The following PCDH9 variants were observed in gnomAD, a reference collection of about 807,000 sequenced individuals.
PCDH9 encodes protocadherin 9, also known as protocadherin-9.
PCDH9 carries 24 observed loss-of-function variants against 70.6 expected under a neutral mutation model. That is an observed-to-expected ratio of 0.34 (90% CI 0.25 to 0.48). PCDH9 has a LOEUF of 0.48. Among genes scored for constraint, PCDH9 ranks in the 20% least tolerant of loss-of-function variants. The pLI is 0.99. For synonymous variants in PCDH9, 562 were observed against 558.5 expected (o/e 1.01, Z -0.09); for missense variants, 1,281 against 1,503.6 (o/e 0.85, Z 2.45).
chr13:66,738,217 C>T (rs930183346), intron 3 of PCDH9, among the ~76,000 whole-genome samples: 1 of 151,558 alleles, frequency 6.6e-6, no homozygotes, highest in African/African-American at 2.4e-5. Context: ...GGGAGGCACC[C>T]CCCAGCAGGG....
intron 3 of PCDH9, among the ~76,000 whole-genome samples, chr13:66,673,394 A>G (rs972578243): frequency 1.3e-5 from 2 of 151,230 alleles, no homozygotes; most frequent in Admixed American, 6.6e-5. Flanking sequence ...AGTTCATTAA[A>G]CCTCTTTTTC....
At chr13:67,102,531 A>T (rs1432964293) in intron 2 of PCDH9, among the ~76,000 whole-genome samples, 2 of 152,176 alleles carry the variant, frequency 1.3e-5, no homozygotes, top group African/African-American at 4.8e-5. Context: ...ACACTTTCAA[A>T]TAGAAAAAAA....
chr13:66,655,362 G>T (rs182346135), intron 3 of PCDH9, among the ~76,000 whole-genome samples: 37 of 151,610 alleles, frequency 2.4e-4, no homozygotes, highest in Admixed American at 9.2e-4. Flanking sequence ...TTCTCACATG[G>T]GAAAATATTT....
intron 3 of PCDH9, among the ~76,000 whole-genome samples, chr13:66,727,084 T>C (rs2079014971): frequency 6.6e-6 from 1 of 152,048 alleles, no homozygotes; most frequent in South Asian, 2.1e-4. Context: ...CTGGACAACA[T>C]AGCTAGATTC....
intron 2 of PCDH9, among the ~76,000 whole-genome samples, chr13:67,033,794 G>A (rs1055372010): frequency 1.3e-5 from 2 of 152,078 alleles, no homozygotes; most frequent in African/African-American, 2.4e-5. Flanking sequence ...AAATCATCCC[G>A]AGACTATCTC....
chr13:66,548,149 C>T (rs10507738), intron 4 of PCDH9, among the ~76,000 whole-genome samples: 3,524 of 151,682 alleles, frequency 0.023, 130 homozygotes, highest in African/African-American at 0.08. Flanking sequence ...CTTCTGGAAT[C>T]GACATTTTAA....
chr13:67,058,868 T>G (rs1408171), intron 2 of PCDH9, among the ~76,000 whole-genome samples: 15,474 of 152,128 alleles, frequency 0.1, 854 homozygotes, highest in Non-Finnish European at 0.12. Context: ...TGTAAACACA[T>G]GTACTCTCCT....
chr13:66,663,348 C>CA (rs925319047), intron 3 of PCDH9, among the ~76,000 whole-genome samples: 2 of 151,934 alleles, frequency 1.3e-5, no homozygotes, highest in Non-Finnish European at 2.9e-5. Context: ...AATATGAAGG[C>CA]AAAAAAACCT....
chr13:66,698,031 A>T (rs2078587377), intron 3 of PCDH9, among the ~76,000 whole-genome samples: 1 of 152,182 alleles, frequency 6.6e-6, no homozygotes, highest in African/African-American at 2.4e-5. Flanking sequence ...ACATGAAAGG[A>T]TAAATGCTGT....
chr13:66,481,404 A>G (rs1305035905), intron 4 of PCDH9, among the ~76,000 whole-genome samples: 2 of 152,136 alleles, frequency 1.3e-5, no homozygotes, highest in African/African-American at 4.8e-5. Flanking sequence ...CTCTAACAGA[A>G]AACAGATTAC....
At chr13:67,154,626 A>G (rs997079824) in intron 2 of PCDH9, among the ~76,000 whole-genome samples, 7 of 143,372 alleles carry the variant, frequency 4.9e-5, no homozygotes, top group Non-Finnish European at 7.7e-5. Flanking sequence ...ACACACACAC[A>G]CACACACACA....
chr13:66,496,029 C>T (rs1042785890), intron 4 of PCDH9, among the ~76,000 whole-genome samples: 1 of 152,176 alleles, frequency 6.6e-6, no homozygotes, highest in Non-Finnish European at 1.5e-5. Flanking sequence ...CATAGCAATA[C>T]TTATAAAATT....
chr13:66,541,649 T>C (rs983475203), intron 4 of PCDH9, among the ~76,000 whole-genome samples: 13 of 152,248 alleles, frequency 8.5e-5, no homozygotes, highest in African/African-American at 3.1e-4. Context: ...CTTCCAAGGG[T>C]TTGGCATTGG....
intron 4 of PCDH9, among the ~76,000 whole-genome samples, chr13:66,553,490 A>T (rs763450010): frequency 1.2e-4 from 18 of 152,168 alleles, no homozygotes; most frequent in Non-Finnish European, 2.5e-4. Context: ...TGGCTTTATT[A>T]ACTACTTTCA....
chr13:67,029,651 C>G (rs994214048), intron 2 of PCDH9, among the ~76,000 whole-genome samples: 2 of 152,122 alleles, frequency 1.3e-5, no homozygotes, highest in Non-Finnish European at 2.9e-5. Flanking sequence ...TTTGAATGAT[C>G]AATATGCATT....
chr13:66,692,861 C>G (rs1393164702), intron 3 of PCDH9, among the ~76,000 whole-genome samples: 1 of 151,992 alleles, frequency 6.6e-6, no homozygotes, highest in African/African-American at 2.4e-5. Flanking sequence ...TAACATGACA[C>G]TGTACACTCC....
rs944498996 is a variant in PCDH9, at chr13:66,735,269, T to C, written c.3139-103858A>G. Among the ~76,000 whole-genome samples the C allele has an allele frequency of 2.6e-5, 4 of 152,300 alleles. No individual in the cohort carries two copies. In the East Asian group the frequency reaches 7.7e-4, roughly 29 times the overall value. Reference sequence around the variant, plus strand: ...CAAAATATAATGTAAAGTTTAACTATCAAACACTTGCAAAATCTTGTATTT... The same window carrying C: ...CAAAATATAATGTAAAGTTTAACTACCAAACACTTGCAAAATCTTGTATTT... On this transcript the variant is annotated intron_variant, in intron 3 of 4. Coordinates refer to ENST00000377865, the MANE Select transcript of PCDH9 (RefSeq NM_203487.3).
chr13:66,509,651 T>C (rs571831269), intron 4 of PCDH9, among the ~76,000 whole-genome samples: 43 of 152,220 alleles, frequency 2.8e-4, no homozygotes, highest in African/African-American at 7.7e-4. Flanking sequence ...CAAGGTCTCA[T>C]TATGTTGTTC....
chr13:66,791,483 G>A (rs2080162656), intron 3 of PCDH9, among the ~76,000 whole-genome samples: 1 of 152,080 alleles, frequency 6.6e-6, no homozygotes, highest in South Asian at 2.1e-4. Context: ...CATATATTAA[G>A]TTGGTGCAAA....
Sources: allele counts gnomAD v4.1 joint callset (sites outside exome capture counted in the v4.1 genomes callset), GRCh38; gene constraint gnomAD v4.1.1; transcripts MANE v1.5; gene names NCBI Gene and HGNC (gene_info 2026-07-23, HGNC 2026-07-21).